Variants in GALNT15 observed in about 807,000 individuals in gnomAD.
The protein encoded by GALNT15 is UDP-GalNAc transferase T15.
Under a neutral mutation model 66.8 loss-of-function variants are expected in GALNT15, and 67 were observed. That is an observed-to-expected ratio of 1.00 (90% CI 0.82 to 1.23). The LOEUF is 1.23. Ranked by LOEUF, GALNT15 falls within the 50% of genes most tolerant of loss-of-function variation. The pLI is 0.00. For missense variants in GALNT15, 827 were observed against 804.3 expected (o/e 1.03, Z -0.34); for synonymous variants, 313 against 311.5 (o/e 1.00, Z -0.05).
rs12485842 is a variant in GALNT15 at position 16,191,733 on chromosome 3, C to T, written c.540-4027C>T. On this transcript the variant is annotated intron_variant, in intron 1 of 9. Transcript: ENST00000339732. The surrounding 1 kb of genome is among the most constrained non-coding windows in gnomAD (Gnocchi z 5.2). ...CTAGAGTTTAAATACAAATTTCTTT[C>T]ATTGAAGGAGGCCCTGCTCCATGCC... Among the ~76,000 whole-genome samples the T allele has an allele frequency of 0.073, 11,081 of 152,260 alleles. 587 individuals are homozygous for T. The highest frequency in any genetic ancestry group is 0.23 in the South Asian group (1,095 of 4,820).
rs1375492753 is a variant in GALNT15 at position 16,229,671 on chromosome 3, T to C, written c.*2171T>C. ...AGACCTCTGTTTTTTAACTGAACTT[T>C]ATCATTGGCATTGTGGGTCTTTGAA... On this transcript the variant is annotated 3_prime_UTR_variant, in exon 10 of 10. Coordinates refer to ENST00000339732, the MANE Select transcript of GALNT15 (RefSeq NM_054110.5). The C allele has an allele frequency of 1.0e-6, 1 of 983,902 alleles. No individual in the cohort carries two copies. The highest frequency in any genetic ancestry group is 1.2e-6 in the Non-Finnish European group (1 of 828,612). The allele number at this position is 983,902 out of a possible 1,614,324, so 60.9% of individuals were successfully genotyped here.
chr3:16,179,789 AG>A (rs776955305), intron 1 of GALNT15, among the ~76,000 whole-genome samples: 12 of 152,184 alleles, frequency 7.9e-5, no homozygotes, highest in East Asian at 1.9e-4. Context: ...CTCGGGGCAG[AG>A]GTGGGGATAA....
rs1450680281 is a variant in GALNT15, at chr3:16,198,132, T to C, written c.706+2206T>C. ...TAGAGATTTATTTTTCCTTATAGTA[T>C]AGAAAGCTCACAGGGTGGCAATGCA... is the stretch of plus-strand genomic sequence containing the variant. On this transcript the variant is annotated intron_variant, in intron 2 of 9. Coordinates refer to ENST00000339732, the MANE Select transcript of GALNT15 (RefSeq NM_054110.5). Among the ~76,000 whole-genome samples the C allele has an allele frequency of 6.3e-5, 9 of 142,108 alleles. 1 individual carries two copies. Among genetic ancestry groups the C allele is most frequent in the Non-Finnish European group, 1.4e-4 (9 of 64,234 alleles). 93.2% of individuals were successfully genotyped at this position (142,108 alleles called of 152,430 possible).
chr3:16,246,401 C>T, the GALNT15 span, among the ~76,000 whole-genome samples: 2 of 145,512 alleles, frequency 1.4e-5, no homozygotes, highest in Admixed American at 1.4e-4. Context: ...TCTCGGCCCA[C>T]TGCAACATCC....
At chr3:16,230,758 G>T (rs527761907), downstream of GALNT15, among the ~76,000 whole-genome samples, 104 of 152,188 alleles carry the variant, frequency 6.8e-4, no homozygotes, top group African/African-American at 2.3e-3. This position sits in a 1 kb window ranked among gnomAD's most constrained non-coding sequence, Gnocchi z 4.5. Flanking sequence ...ATCACTTTTG[G>T]GCAAAGCCCA....
rs544596463 is a variant in GALNT15, at chr3:16,227,831, C to T, written c.*331C>T. 67 of 1,075,708 alleles carry T rather than the reference C, an allele frequency of 6.2e-5. 1 individual carries two copies. In the South Asian group the frequency reaches 1.8e-3, roughly 29 times the overall value. The allele number at this position is 1,075,708 out of a possible 1,614,324, so 66.6% of individuals were successfully genotyped here. A position where few individuals can be genotyped will look rare whatever the true frequency, so the allele number is the denominator to read the frequency against. On this transcript the variant is annotated 3_prime_UTR_variant, in exon 10 of 10. Coordinates refer to ENST00000339732, the MANE Select transcript of GALNT15 (RefSeq NM_054110.5). This position sits in a 1 kb window ranked among gnomAD's most constrained non-coding sequence, Gnocchi z 4.5. ...TCTCTCTGGCCTGGACATTCTCTGGCAGCACCTCCAGGATACATAAATTCA... is the reference window on the plus strand; with the variant it reads ...TCTCTCTGGCCTGGACATTCTCTGGTAGCACCTCCAGGATACATAAATTCA...
In GALNT15 at chr3:16,211,230, C is replaced by CTG; in HGVS notation, c.1188_1189dup (p.Ser397CysfsTer20). 1 of 1,607,168 alleles carries CTG rather than the reference C, an allele frequency of 6.2e-7. No homozygotes were observed. ...GCTGCGAGGTGGTGAAAACCTCGAACTGTCTTTCAAGGTATGTCCTGGACC... is the reference window on the plus strand; with the variant it reads ...GCTGCGAGGTGGTGAAAACCTCGAACTGTGTCTTTCAAGGTATGTCCTGGACC... On this transcript the variant is annotated frameshift_variant, in exon 5 of 10. Transcript: ENST00000339732. LOFTEE classifies it high-confidence loss of function. This position sits in a 1 kb window ranked among gnomAD's most constrained non-coding sequence, Gnocchi z 4.3.
the GALNT15 span, among the ~76,000 whole-genome samples, chr3:16,244,348 G>A: frequency 6.6e-6 from 1 of 152,160 alleles, no homozygotes; most frequent in Non-Finnish European, 1.5e-5. Flanking sequence ...AAACTAAATG[G>A]AGCCTGGCTG....
the GALNT15 span, among the ~76,000 whole-genome samples, chr3:16,239,793 G>A: frequency 1.3e-5 from 2 of 152,230 alleles, no homozygotes; most frequent in Non-Finnish European, 2.9e-5. This position sits in a 1 kb window ranked among gnomAD's most constrained non-coding sequence, Gnocchi z 5.2. Context: ...GCGTGTAAAA[G>A]TGAAGGGGGT....
Position 16,175,146 on chromosome 3 carries a change from A to G in GALNT15, c.-6A>G. Reference sequence around the variant, plus strand: ...TGACCTGTTGCATTTGGCAAGTTCTAGCAACATGCTCCTAAGGAAGCGATA... The same window carrying G: ...TGACCTGTTGCATTTGGCAAGTTCTGGCAACATGCTCCTAAGGAAGCGATA... On this transcript the variant is annotated 5_prime_UTR_variant, in exon 1 of 10. Coordinates refer to ENST00000339732, the MANE Select transcript of GALNT15 (RefSeq NM_054110.5). This position sits in a 1 kb window ranked among gnomAD's most constrained non-coding sequence, Gnocchi z 5.6. 2 of 1,605,122 alleles carry G rather than the reference A, an allele frequency of 1.2e-6. No individual in the cohort carries two copies. The highest frequency in any genetic ancestry group is 2.2e-5 in the East Asian group (1 of 44,634).
the GALNT15 span, among the ~76,000 whole-genome samples, chr3:16,242,466 A>G: frequency 2.0e-5 from 3 of 151,792 alleles, no homozygotes; most frequent in Non-Finnish European, 4.4e-5. The surrounding 1 kb of genome is among the most constrained non-coding windows in gnomAD (Gnocchi z 5.6). Flanking sequence ...TGGTTAAGAA[A>G]CTCTGTAGGG....
In GALNT15 at chr3:16,200,157, A is replaced by G. The variant is rs2063683615; in HGVS notation, c.707-462A>G. The stretch of plus-strand genomic sequence containing the variant: ...GGAAAAACTATCAAACACTTATATA[A>G]TCATCAGATCTCATGAGAACTCACT... On this transcript the variant is annotated intron_variant, in intron 2 of 9. Transcript: ENST00000339732. This position sits in a 1 kb window ranked among gnomAD's most constrained non-coding sequence, Gnocchi z 4.4. Among the ~76,000 whole-genome samples, 1 of 152,074 alleles carries G rather than the reference A, an allele frequency of 6.6e-6. No individual in the cohort carries two copies. Among genetic ancestry groups the G allele is most frequent in the African/African-American group, 2.4e-5 (1 of 41,402 alleles).
intron 3 of GALNT15, 87 bp from the exon 4 acceptor site, chr3:16,208,416 C>A: frequency 2.2e-6 from 3 of 1,360,064 alleles, no homozygotes; most frequent in South Asian, 1.5e-5. Context: ...TGGTAGCCAC[C>A]ATACTGGGCA....
At chr3:16,202,230 A>T (rs2063711553) in intron 3 of GALNT15, among the ~76,000 whole-genome samples, 1 of 152,250 alleles carries the variant, frequency 6.6e-6, no homozygotes, top group African/African-American at 2.4e-5. Context: ...TGAGATCAAG[A>T]CAGATTAATG....
chr3:16,237,857 C>T, the GALNT15 span, among the ~76,000 whole-genome samples: 1 of 152,116 alleles, frequency 6.6e-6, no homozygotes, highest in African/African-American at 2.4e-5. The surrounding 1 kb of genome is among the most constrained non-coding windows in gnomAD (Gnocchi z 4.2). Context: ...CTATAATATC[C>T]CCTCACAGAC....
At chr3:16,221,362 T>TA (rs555212736) in intron 8 of GALNT15, among the ~76,000 whole-genome samples, 19 of 148,662 alleles carry the variant, frequency 1.3e-4, no homozygotes, top group Non-Finnish European at 2.4e-4. Flanking sequence ...ATATGCCAGA[T>TA]AAAAAAATAT....
rs2063521734 is a variant in GALNT15, at chr3:16,186,867, G to A, written c.540-8893G>A. ...GAAAACGTTCTCAAATTAGACAGTGGTGATGGCTGCACACCTTTATACTTG... is the reference window on the plus strand; with the variant it reads ...GAAAACGTTCTCAAATTAGACAGTGATGATGGCTGCACACCTTTATACTTG... On this transcript the variant is annotated intron_variant, in intron 1 of 9. Coordinates refer to ENST00000339732, the MANE Select transcript of GALNT15 (RefSeq NM_054110.5). This position sits in a 1 kb window ranked among gnomAD's most constrained non-coding sequence, Gnocchi z 5.1. 6.6e-6 allele frequency among the ~76,000 whole-genome samples: 1 copy of A among 152,152 alleles called. No individual in the cohort carries two copies. The highest frequency in any genetic ancestry group is 2.4e-5 in the African/African-American group (1 of 41,414).
At chr3:16,220,561 C>A (rs1299390382) in intron 8 of GALNT15, among the ~76,000 whole-genome samples, 1 of 152,178 alleles carries the variant, frequency 6.6e-6, no homozygotes, top group Non-Finnish European at 1.5e-5. Context: ...TAGCTGAGGG[C>A]TGGTAGGTCC....
intron 6 of GALNT15, among the ~76,000 whole-genome samples, chr3:16,215,696 G>A (rs776836158): frequency 6.6e-6 from 1 of 152,028 alleles, no homozygotes; most frequent in Non-Finnish European, 1.5e-5. Flanking sequence ...TGGATCATGA[G>A]GTCAAGAAAT....
Sources: gnomAD v4.1 joint callset for allele counts (sites outside exome capture counted in the v4.1 genomes callset) on GRCh38, gnomAD v4.1.1 for gene constraint, Gnocchi (gnomAD v3.1) non-coding constraint, MANE v1.5 for transcripts, NCBI Gene and HGNC (gene_info 2026-07-23, HGNC 2026-07-21) for gene names.